Variants in ABCA8 observed in about 807,000 individuals in gnomAD.
ABCA8 encodes ATP binding cassette subfamily A member 8, also known as ABC-type organic anion transporter ABCA8.
ABCA8 carries 177 observed loss-of-function variants against 192.3 expected under a neutral mutation model. That is an observed-to-expected ratio of 0.92 (90% CI 0.81 to 1.04). ABCA8 has a LOEUF of 1.04. Among genes scored for constraint, ABCA8 ranks in the 50% least tolerant of loss-of-function variants. The probability of loss-of-function intolerance (pLI) is 0.00; values close to 1 mark genes in which losing one functional copy is unlikely to be tolerated. For synonymous variants in ABCA8, 642 were observed against 690.2 expected (o/e 0.93, Z 1.09); for missense variants, 1,915 against 1,904.8 (o/e 1.01, Z -0.10).
At chr17:68,922,566 G>T in intron 11 of ABCA8, among the ~76,000 whole-genome samples, 2 of 151,930 alleles carry the variant, frequency 1.3e-5, no homozygotes, top group African/African-American at 4.8e-5. Flanking sequence ...TCCATAGATT[G>T]GGGTATAAGC....
At chr17:68,890,197 A>G (rs1025153155) in intron 24 of ABCA8, among the ~76,000 whole-genome samples, 1 of 152,210 alleles carries the variant, frequency 6.6e-6, no homozygotes, top group African/African-American at 2.4e-5. Context: ...CGGTTTCTCC[A>G]CATCCTCATA....
At chr17:68,899,783 G>A (rs2066860051) in intron 21 of ABCA8, among the ~76,000 whole-genome samples, 1 of 152,008 alleles carries the variant, frequency 6.6e-6, no homozygotes, top group African/African-American at 2.4e-5. Flanking sequence ...GATGAATTTA[G>A]AATTCAACAA....
At position 68,903,384 on chromosome 17, in the gene ABCA8, CACACCACCTATT is replaced by C; in HGVS notation, c.2502_2513del (p.Ile835_Val838del). ...CGCAGATTTGCTGTCGCCAGAGAGC[CACACCACCTATT>C]GTCTTTCTCATCTTGTTAAGTGAAG... is the stretch of plus-strand genomic sequence containing the variant. On this transcript the variant is annotated inframe_deletion, in exon 20 of 40. Transcript: ENST00000586539. The C allele has an allele frequency of 6.2e-7, 1 of 1,614,182 alleles. No homozygotes were observed. The highest frequency in any genetic ancestry group is 8.5e-7 in the Non-Finnish European group (1 of 1,180,022).
intron 23 of ABCA8, among the ~76,000 whole-genome samples, chr17:68,892,077 G>A (rs1318057286): frequency 6.6e-6 from 1 of 152,122 alleles, no homozygotes; most frequent in Non-Finnish European, 1.5e-5. Context: ...GTACTAGAAG[G>A]GAGAGCAAAA....
intron 10 of ABCA8, among the ~76,000 whole-genome samples, chr17:68,926,128 A>G (rs1014034523): frequency 2.0e-5 from 3 of 152,158 alleles, no homozygotes; most frequent in African/African-American, 7.2e-5. Flanking sequence ...ATTTAAAGTA[A>G]TATCATTAGA....
chr17:68,908,005 G>T, intron 17 of ABCA8, 126 bp from the exon 18 acceptor site: 2 of 900,200 alleles, frequency 2.2e-6, no homozygotes, highest in Non-Finnish European at 3.0e-6. Context: ...AAATAGGTCA[G>T]ACAAACACAA....
chr17:68,928,606 C>T (rs1217604652), intron 9 of ABCA8, among the ~76,000 whole-genome samples: 1 of 152,096 alleles, frequency 6.6e-6, no homozygotes, highest in Non-Finnish European at 1.5e-5. Flanking sequence ...CAATAAGAAT[C>T]ACATAAACAG....
At chr17:68,923,259 G>A (rs2067598061) in intron 11 of ABCA8, among the ~76,000 whole-genome samples, 1 of 151,370 alleles carries the variant, frequency 6.6e-6, no homozygotes, top group African/African-American at 2.4e-5. Context: ...GAGTGCAGTG[G>A]CACAATATTG....
intron 11 of ABCA8, among the ~76,000 whole-genome samples, chr17:68,922,596 G>A (rs773489809): frequency 1.1e-4 from 16 of 151,952 alleles, no homozygotes; most frequent in African/African-American, 3.1e-4. Flanking sequence ...TATTGAGAAC[G>A]GGATCACCTC....
At chr17:68,933,003 G>A (rs1311048316) in intron 6 of ABCA8, among the ~76,000 whole-genome samples, 165 bp downstream of exon 6, 1 of 152,058 alleles carries the variant, frequency 6.6e-6, no homozygotes, top group Non-Finnish European at 1.5e-5. Context: ...TTTTTCTTCT[G>A]TTTGTATCTA....
chr17:68,939,416 C>T (rs2068163552), intron 4 of ABCA8, among the ~76,000 whole-genome samples: 2 of 151,928 alleles, frequency 1.3e-5, no homozygotes, highest in Admixed American at 6.6e-5. Flanking sequence ...ATGAAAATAC[C>T]GCATATCCCC....
At chr17:68,891,401 A>G in intron 24 of ABCA8, 88 bp downstream of exon 24, 2 of 855,958 alleles carry the variant, frequency 2.3e-6, no homozygotes, top group Non-Finnish European at 3.6e-6. Context: ...TCAATTAAGC[A>G]TGTAGAAATA....
chr17:68,883,917 A>G (rs2066396228), intron 28 of ABCA8, 35 bp from the exon 29 acceptor site: 1 of 1,320,694 alleles, frequency 7.6e-7, no homozygotes, highest in Non-Finnish European at 1.1e-6. Context: ...TTAGAAACAT[A>G]AAAAGATAAT....
chr17:68,927,988 T>C lies in ABCA8; in HGVS notation c.1201A>G (p.Thr401Ala). 6.2e-7 allele frequency: 1 copy of C among 1,609,208 alleles called. No individual in the cohort carries two copies. Among genetic ancestry groups the C allele is most frequent in the African/African-American group, 1.3e-5 (1 of 74,814 alleles). Reference protein sequence around the residue: ...PSDGSNLIVATNFMLAFDTCL... With the variant: ...PSDGSNLIVAANFMLAFDTCL... ...GTGTCAAATGCCAACATGAAATTTG[T>C]TGCTACAATGAGATTTGAGCCGTCC... The change falls in exon 10 of 40, where the codon ACA (threonine) becomes GCA (alanine). Residue 401 changes from threonine to alanine, a missense_variant. Coordinates refer to ENST00000586539, the MANE Select transcript of ABCA8 (RefSeq NM_001288985.2).
At chr17:68,868,427 C>T in intron 38 of ABCA8, 71 bp from the exon 39 acceptor site, 2 of 1,305,416 alleles carry the variant, frequency 1.5e-6, no homozygotes, top group Non-Finnish European at 1.1e-6. Context: ...GCATATAGTA[C>T]AAATGATATA....
chr17:68,907,958 T>C lies in ABCA8; in HGVS notation c.2139-79A>G, dbSNP rs878965319. ...AGCAAGAAAATAATTAACTAGTCTC[T>C]ATAGGACAAAGAAAATCAATTAAAA... On this transcript the variant is annotated intron_variant, in intron 17 of 39. Coordinates refer to ENST00000586539, the MANE Select transcript of ABCA8 (RefSeq NM_001288985.2). 52 of 1,251,720 alleles carry C rather than the reference T, an allele frequency of 4.2e-5. 1 individual carries two copies. Among genetic ancestry groups the C allele is most frequent in the Middle Eastern group, 5.7e-4 (2 of 3,482 alleles). The allele number at this position is 1,251,720 out of a possible 1,614,324, so 77.5% of individuals were successfully genotyped here.
Position 68,903,314 on chromosome 17 carries a change from C to T in ABCA8, c.2584G>A (p.Ala862Thr). The T allele has an allele frequency of 2.5e-6, 4 of 1,614,104 alleles. No individual in the cohort carries two copies. The highest frequency in any genetic ancestry group is 3.4e-6 in the Non-Finnish European group (4 of 1,180,008). ...TCTGATACTTACAGTGCTAAAAGAG[C>T]TTTTCTTTCATGCTTTAACTTTAAC... ...RLLKLKHERKALLALLLILMA... is the reference protein window; with the variant it reads ...RLLKLKHERKTLLALLLILMA... Residue 862 changes from alanine to threonine, a missense_variant, in exon 20 of 40, where the codon GCT becomes ACT. Ala to Thr is a moderately conservative substitution (Grantham distance 58, BLOSUM62 0). Coordinates refer to ENST00000586539, the MANE Select transcript of ABCA8 (RefSeq NM_001288985.2).
chr17:68,882,040 A>T lies in ABCA8; in HGVS notation c.3829-60T>A, dbSNP rs897238615. The T allele has an allele frequency of 2.8e-6, 4 of 1,431,038 alleles. No individual in the cohort carries two copies. In the East Asian group the frequency reaches 9.1e-5, roughly 33 times the overall value. 88.6% of individuals were successfully genotyped at this position (1,431,038 alleles called of 1,614,324 possible). On this transcript the variant is annotated intron_variant, in intron 30 of 39. Coordinates refer to ENST00000586539, the MANE Select transcript of ABCA8 (RefSeq NM_001288985.2). Reference sequence around the variant, plus strand: ...AATTCTCTCCATTAGCTTTGAAACAAAATTCCATCTTCCCATTGGCTGGAC... The same window carrying T: ...AATTCTCTCCATTAGCTTTGAAACATAATTCCATCTTCCCATTGGCTGGAC...
In ABCA8 at chr17:68,936,989, T is replaced by G. The variant is rs1286045721; in HGVS notation, c.428A>C (p.His143Pro). 3.7e-6 allele frequency: 6 copies of G among 1,606,022 alleles called. No homozygotes were observed. In the South Asian group the frequency reaches 5.6e-5, roughly 15 times the overall value. The change falls in exon 5 of 40, where the codon CAT becomes CCT. Residue 143 changes from histidine (H) to proline (P), a missense_variant. Coordinates refer to ENST00000586539, the MANE Select transcript of ABCA8 (RefSeq NM_001288985.2). ...YSYHLKFLLG[H>P]GMPAKKEHKD... ...GTGCTCCTTCTTTGCTGGCATTCCA[T>G]GTCCTAGCAAGAACTTCAAATGATA...
Sources: allele counts gnomAD v4.1 joint callset (sites outside exome capture counted in the v4.1 genomes callset), GRCh38; gene constraint gnomAD v4.1.1; transcripts MANE v1.5; gene names NCBI Gene and HGNC (gene_info 2026-07-23, HGNC 2026-07-21).